RBM4: variants seen among roughly 807,000 people sequenced by gnomAD.
RBM4 encodes the protein RNA-binding protein 4.
In RBM4, 7 loss-of-function variants were observed where a neutral mutation model predicts 29.5. The observed-to-expected ratio is 0.24, with a 90% confidence interval of 0.14 to 0.45. RBM4 has a LOEUF of 0.45. RBM4 is among the 20% of genes least tolerant of loss of function. The probability of loss-of-function intolerance (pLI) is 1.00; values close to 1 mark genes in which losing one functional copy is unlikely to be tolerated. For synonymous variants in RBM4, 220 were observed against 205.4 expected (o/e 1.07, Z -0.61); for missense variants, 387 against 502.3 (o/e 0.77, Z 2.19).
chr11:66,643,830 A>G lies in RBM4; in HGVS notation c.793A>G (p.Thr265Ala). ...VQNTAMASHL[T>A]STSLDPYDRH... ...GAATACAGCCATGGCCAGTCACCTC[A>G]CCTCCACCTCTCTCGATCCCTACGA... is the stretch of plus-strand genomic sequence containing the variant. Residue 265 changes from threonine (T) to alanine (A), a missense_variant, in exon 3 of 4, where the codon ACC (threonine) becomes GCC (alanine). Physicochemically the swap from Thr to Ala is moderately conservative, Grantham distance 58. This residue lies in a region of RBM4 where 281 missense variants were observed against 288.7 expected (regional missense o/e 0.97). Coordinates refer to ENST00000310092, the MANE Select transcript of RBM4 (RefSeq NM_002896.4). This position sits in a 1 kb window ranked among gnomAD's most constrained non-coding sequence, Gnocchi z 6.1. 6.2e-7 allele frequency: 1 copy of G among 1,613,188 alleles called. No homozygotes were observed. The highest frequency in any genetic ancestry group is 1.1e-5 in the South Asian group (1 of 91,032).
At chr11:66,657,896 G>A (rs1938982271) in intron 2 of RBM4, among the ~76,000 whole-genome samples, 1 of 151,566 alleles carries the variant, frequency 6.6e-6, no homozygotes, top group South Asian at 2.1e-4. Context: ...ACTAATTTCT[G>A]TATTTTGTAG....
In RBM4 at chr11:66,643,613, G is replaced by C. The variant is rs369774559; in HGVS notation, c.576G>C (p.Glu192Asp). 34 of 1,614,064 alleles carry C rather than the reference G, an allele frequency of 2.1e-5. No individual in the cohort carries two copies. Among genetic ancestry groups the C allele is most frequent in the Non-Finnish European group, 8.5e-7 (1 of 1,180,044 alleles). ...RVADLTEQYN[E>D]QYGAVRTPYT... ...CAGACTTGACCGAGCAATATAATGA[G>C]CAATACGGAGCAGTGCGTACGCCTT... is the stretch of plus-strand genomic sequence containing the variant. The change falls in exon 3 of 4, where the codon GAG (glutamate) becomes GAC (aspartate). Residue 192 changes from glutamate (E) to aspartate (D), a missense_variant. By Grantham distance (45) the Glu-to-Asp change is conservative (BLOSUM62 2). Transcript: ENST00000310092. The surrounding 1 kb of genome is among the most constrained non-coding windows in gnomAD (Gnocchi z 6.1).
At chr11:66,652,926 C>CCCA (rs1199123829) in intron 2 of RBM4, among the ~76,000 whole-genome samples, 2 of 152,098 alleles carry the variant, frequency 1.3e-5, no homozygotes, top group Non-Finnish European at 2.9e-5. Context: ...GGAGAAAGTA[C>CCCA]GTAGCTAGTG....
At chr11:66,659,738 T>C (rs992898933) in intron 2 of RBM4, among the ~76,000 whole-genome samples, 1 of 152,158 alleles carries the variant, frequency 6.6e-6, no homozygotes, top group Admixed American at 6.6e-5. Context: ...TAGCAGCTCT[T>C]GATCATGTTT....
At chr11:66,665,976 A>G (rs1207434685) in exon 3 of RBM4, 4 of 1,505,710 alleles carry the variant, frequency 2.7e-6, no homozygotes, top group South Asian at 2.4e-5. Flanking sequence ...GATGTCATAT[A>G]TGGCGAATTG....
At chr11:66,658,430 A>G (rs1254071954) in intron 2 of RBM4, among the ~76,000 whole-genome samples, 1 of 146,334 alleles carries the variant, frequency 6.8e-6, no homozygotes, top group Non-Finnish European at 1.5e-5. Flanking sequence ...AATTGTCACA[A>G]TTTAGGGGGT....
Position 66,639,703 on chromosome 11 carries a change from C to T in RBM4, c.-9C>T, listed in dbSNP as rs772601923. On this transcript the variant is annotated 5_prime_UTR_variant, in exon 2 of 4. Transcript: ENST00000310092. ...ATGTCTTGTTTTTCTCTCCCAGGCT[C>T]TTGTCAGGATGGTGAAGCTGTTCAT... 9.3e-6 allele frequency: 15 copies of T among 1,611,852 alleles called. No individual in the cohort carries two copies. Among genetic ancestry groups the T allele is most frequent in the East Asian group, 2.2e-5 (1 of 44,832 alleles).
intron 2 of RBM4, chr11:66,665,725 C>T: frequency 7.2e-7 from 1 of 1,384,146 alleles, no homozygotes; most frequent in Non-Finnish European, 9.7e-7. Flanking sequence ...AACTCATATC[C>T]CATGTAATTA....
intron 2 of RBM4, chr11:66,665,829 A>T (rs1939210344): frequency 8.6e-6 from 13 of 1,507,016 alleles, no homozygotes; most frequent in Non-Finnish European, 1.2e-5. Context: ...GTTGGTGATA[A>T]ATACATCTTT....
intron 2 of RBM4, chr11:66,652,221 T>C: frequency 6.6e-6 from 1 of 152,142 alleles, no homozygotes; most frequent in Non-Finnish European, 1.5e-5. Context: ...GCCTCCCAAG[T>C]AGCTGGGACT....
At chr11:66,656,630 C>G (rs1289008940) in intron 2 of RBM4, among the ~76,000 whole-genome samples, 1 of 152,054 alleles carries the variant, frequency 6.6e-6, no homozygotes, top group African/African-American at 2.4e-5. Context: ...CAATTTGACA[C>G]ATTGTGACAA....
rs550328753 is a variant in RBM4 at position 66,639,425 on chromosome 11, A to G, written c.-12-275A>G. ...CCCATTTCTTCATATGCTGTCTTTC[A>G]TGCCCATTTCTGTTGGAAGGTATCG... On this transcript the variant is annotated intron_variant, in intron 1 of 3. Coordinates refer to ENST00000310092, the MANE Select transcript of RBM4 (RefSeq NM_002896.4). 4.8e-4 allele frequency: 226 copies of G among 467,128 alleles called. 1 individual carries two copies. The Middle Eastern group carries it at 5.0e-3, about 10-fold the overall frequency. 28.9% of individuals were successfully genotyped at this position (467,128 alleles called of 1,614,324 possible).
chr11:66,657,182 A>G (rs1938965926), intron 2 of RBM4, among the ~76,000 whole-genome samples: 1 of 132,706 alleles, frequency 7.5e-6, no homozygotes. Flanking sequence ...TGGTATGAGT[A>G]TGGCTCAATG....
exon 3 of RBM4, chr11:66,668,299 A>AT: frequency 1.1e-5 from 3 of 266,140 alleles, no homozygotes; most frequent in South Asian, 7.9e-5. Context: ...CAGAGGGCAC[A>AT]TAACAAATGT....
At position 66,653,424 on chromosome 11, in the gene RBM4, C is replaced by G. The variant is rs186818866; in HGVS notation, c.413-12432C>G. On this transcript the variant is annotated intron_variant, in intron 2 of 2. Transcript: ENST00000396053. ...TCACCCAGGCTGGAGTGCAGTGATG[C>G]GATCTCGGCTCACTGCAACCTCTGC... Among the ~76,000 whole-genome samples, 3 of 145,736 alleles carry G rather than the reference C, an allele frequency of 2.1e-5. No homozygotes were observed. The Admixed American group carries it at 2.1e-4, about 10-fold the overall frequency.
chr11:66,649,819 C>T (rs758958733), downstream of RBM4: 3 of 695,374 alleles, frequency 4.3e-6, no homozygotes, highest in South Asian at 3.0e-5. Flanking sequence ...TCAAGGGATC[C>T]TCCCGCCTTG....
chr11:66,656,659 C>G (rs1485595900), intron 2 of RBM4, among the ~76,000 whole-genome samples: 3 of 151,672 alleles, frequency 2.0e-5, no homozygotes, highest in Non-Finnish European at 4.4e-5. Flanking sequence ...TTTGGGGGGC[C>G]TTTTGTTTTG....
downstream of RBM4, among the ~76,000 whole-genome samples, chr11:66,647,809 A>C (rs1264926011): frequency 6.6e-6 from 1 of 152,240 alleles, no homozygotes; most frequent in Non-Finnish European, 1.5e-5. Flanking sequence ...CAGAAATGTC[A>C]AGTAGAGAAT....
chr11:66,658,872 G>A (rs751975427), intron 2 of RBM4, among the ~76,000 whole-genome samples: 31 of 151,264 alleles, frequency 2.0e-4, no homozygotes, highest in Non-Finnish European at 4.4e-4. Flanking sequence ...GGGAGGCGGA[G>A]GTTCTATTGA....
Sources: gnomAD v4.1 joint callset for allele counts (sites outside exome capture counted in the v4.1 genomes callset) on GRCh38, gnomAD v4.1.1 for gene constraint, gnomAD v4.1.1 regional missense constraint, Gnocchi (gnomAD v3.1) non-coding constraint, MANE v1.5 for transcripts, NCBI Gene and HGNC (gene_info 2026-07-23, HGNC 2026-07-21) for gene names.